The following OSBPL8 variants were observed in gnomAD, a reference collection of about 807,000 sequenced individuals.
OSBPL8 encodes oxysterol binding protein like 8.
OSBPL8 carries 59 observed loss-of-function variants against 125.5 expected under a neutral mutation model. The ratio of observed to expected loss-of-function variants is 0.47; its 90% CI spans 0.38 to 0.58. OSBPL8 has a LOEUF of 0.58. Ranked by LOEUF, OSBPL8 falls within the 20% of genes least tolerant of loss-of-function variation. The probability of loss-of-function intolerance (pLI) is 0.00; values close to 1 mark genes in which losing one functional copy is unlikely to be tolerated. For missense variants in OSBPL8, 758 were observed against 1,047.8 expected, an observed-to-expected ratio of 0.72 and a Z score of 3.82; for synonymous variants, 330 against 338.9, an observed-to-expected ratio of 0.97 and a Z score of 0.29.
intron 5 of OSBPL8, among the ~76,000 whole-genome samples, chr12:76,405,180 C>T (rs968819381): frequency 2.6e-5 from 4 of 151,984 alleles, no homozygotes; most frequent in Non-Finnish European, 4.4e-5. Flanking sequence ...AATCTGTGGC[C>T]GGGCATGGTG....
chr12:76,556,515 T>C (rs988247888), intron 1 of OSBPL8, among the ~76,000 whole-genome samples: 11 of 152,124 alleles, frequency 7.2e-5, no homozygotes, highest in Non-Finnish European at 1.5e-4. Flanking sequence ...CCATGAAATA[T>C]GCACACAACA....
Position 76,549,258 on chromosome 12 carries a change from G to A in OSBPL8, c.-68+10139C>T, listed in dbSNP as rs1193156600. Among the ~76,000 whole-genome samples, 9 of 152,292 alleles carry A rather than the reference G, an allele frequency of 5.9e-5. No individual in the cohort carries two copies. The East Asian group carries it at 1.7e-3, about 29-fold the overall frequency. ...AAAAATAATCTGATTCAGACTGTAA[G>A]AGCAACTGAGTATCTAGACAAACAG... On this transcript the variant is annotated intron_variant, in intron 1 of 23. Coordinates refer to ENST00000261183, the MANE Select transcript of OSBPL8 (RefSeq NM_020841.5).
intron 4 of OSBPL8, among the ~76,000 whole-genome samples, chr12:76,442,528 C>T (rs1872306204): frequency 1.3e-5 from 2 of 151,868 alleles, no homozygotes; most frequent in South Asian, 4.2e-4. Flanking sequence ...AGAAAATTAG[C>T]ATAATCTGTA....
intron 2 of OSBPL8, among the ~76,000 whole-genome samples, chr12:76,477,206 T>G (rs773235959): frequency 6.6e-6 from 1 of 152,170 alleles, no homozygotes; most frequent in Non-Finnish European, 1.5e-5. Flanking sequence ...AACTTTTGGG[T>G]CTCGAGTTTC....
intron 3 of OSBPL8, among the ~76,000 whole-genome samples, chr12:76,458,361 A>G (rs901868622): frequency 5.3e-5 from 8 of 152,024 alleles, no homozygotes; most frequent in African/African-American, 2.4e-5. Flanking sequence ...TATAATAAAT[A>G]ATATTTATAA....
Position 76,546,061 on chromosome 12 carries a change from CA to C in OSBPL8, c.-68+13335del, listed in dbSNP as rs538321769. Among the ~76,000 whole-genome samples the C allele has an allele frequency of 1.5e-3, 225 of 152,236 alleles. 1 individual carries two copies. Among genetic ancestry groups the C allele is most frequent in the African/African-American group, 5.3e-3 (219 of 41,550 alleles). On this transcript the variant is annotated intron_variant, in intron 1 of 23. Coordinates refer to ENST00000261183, the MANE Select transcript of OSBPL8 (RefSeq NM_020841.5). Reference sequence around the variant, plus strand: ...CACACATGTCGAGGGCTGACATTTACAATACGCAGGTTCCGCAGGGCCAGCT... The same window carrying C: ...CACACATGTCGAGGGCTGACATTTACATACGCAGGTTCCGCAGGGCCAGCT...
intron 1 of OSBPL8, among the ~76,000 whole-genome samples, chr12:76,551,295 A>G (rs1057132053): frequency 6.6e-6 from 1 of 152,212 alleles, no homozygotes; most frequent in African/African-American, 2.4e-5. Flanking sequence ...CTCAATCTTT[A>G]AAGCAGTAGT....
At chr12:76,436,351 T>A (rs560163392) in intron 4 of OSBPL8, among the ~76,000 whole-genome samples, 2 of 152,260 alleles carry the variant, frequency 1.3e-5, no homozygotes, top group Admixed American at 6.5e-5. Flanking sequence ...CATTACTTCA[T>A]CTAAAAATGT....
intron 4 of OSBPL8, chr12:76,423,309 G>A (rs1869738285): frequency 6.6e-6 from 1 of 151,896 alleles, no homozygotes; most frequent in African/African-American, 2.4e-5. Flanking sequence ...CTCCAGCAGG[G>A]ATATATGAGT....
chr12:76,530,478 C>T lies in OSBPL8; in HGVS notation c.-68+28919G>A, dbSNP rs543429250. 2.6e-5 allele frequency among the ~76,000 whole-genome samples: 4 copies of T among 152,220 alleles called. No homozygotes were observed. In the South Asian group the frequency reaches 8.3e-4, roughly 32 times the overall value. ...TTTTATCAAATAGATCTTCCCTGACCATCCTAGCTACAAATAGCAAAATAG... is the reference window on the plus strand; with the variant it reads ...TTTTATCAAATAGATCTTCCCTGACTATCCTAGCTACAAATAGCAAAATAG... On this transcript the variant is annotated intron_variant, in intron 1 of 23. Transcript: ENST00000261183.
At chr12:76,383,514 G>A (rs902597176) in intron 15 of OSBPL8, among the ~76,000 whole-genome samples, 5 of 152,014 alleles carry the variant, frequency 3.3e-5, no homozygotes, top group African/African-American at 1.2e-4. Context: ...TATCCCTGTT[G>A]CAGACTGAAC....
chr12:76,379,533 C>T (rs1359308022), intron 15 of OSBPL8, among the ~76,000 whole-genome samples: 1 of 152,154 alleles, frequency 6.6e-6, no homozygotes, highest in Admixed American at 6.5e-5. Flanking sequence ...AGCAGTCAAT[C>T]CTTTCCCTTA....
At chr12:76,435,696 C>T (rs140974066) in intron 4 of OSBPL8, among the ~76,000 whole-genome samples, 2 of 151,964 alleles carry the variant, frequency 1.3e-5, no homozygotes, top group Non-Finnish European at 2.9e-5. Flanking sequence ...ATAAAAAGAT[C>T]GTTCCAGGCA....
intron 4 of OSBPL8, among the ~76,000 whole-genome samples, chr12:76,448,151 T>C (rs1052095692): frequency 6.6e-6 from 1 of 152,198 alleles, no homozygotes; most frequent in Non-Finnish European, 1.5e-5. Flanking sequence ...ATGAAGTCTG[T>C]AATTTACTCT....
chr12:76,483,821 C>T (rs927883043), intron 2 of OSBPL8, among the ~76,000 whole-genome samples: 10 of 151,290 alleles, frequency 6.6e-5, no homozygotes, highest in Non-Finnish European at 1.3e-4. Context: ...ATTACAGGTG[C>T]CCGCCACGCC....
chr12:76,366,674 T>TA, intron 21 of OSBPL8: 1 of 370,288 alleles, frequency 2.7e-6, no homozygotes, highest in Non-Finnish European at 5.2e-6. Context: ...TGTTCACAGA[T>TA]ATATATTTTC....
chr12:76,458,649 AC>A (rs1874348742), intron 3 of OSBPL8, among the ~76,000 whole-genome samples: 1 of 151,878 alleles, frequency 6.6e-6, no homozygotes, highest in Non-Finnish European at 1.5e-5. Flanking sequence ...GTGCTACTGT[AC>A]TCCAGCCTGG....
chr12:76,415,357 C>T (rs1172807585), intron 4 of OSBPL8, among the ~76,000 whole-genome samples: 2 of 151,702 alleles, frequency 1.3e-5, no homozygotes, highest in African/African-American at 4.8e-5. Context: ...AAGCGATTCT[C>T]CTGCCTCAGC....
At chr12:76,515,580 T>C (rs1318253055) in intron 1 of OSBPL8, among the ~76,000 whole-genome samples, 1 of 152,194 alleles carries the variant, frequency 6.6e-6, no homozygotes, top group Non-Finnish European at 1.5e-5. Context: ...TAGGTATAGA[T>C]TCCTCTTCCC....
Sources: gnomAD v4.1 joint callset for allele counts (sites outside exome capture counted in the v4.1 genomes callset) on GRCh38, gnomAD v4.1.1 for gene constraint, MANE v1.5 for transcripts, NCBI Gene and HGNC (gene_info 2026-07-23, HGNC 2026-07-21) for gene names.